CD99L2: variants seen among roughly 807,000 people sequenced by gnomAD.
CD99L2 encodes the protein CD99 molecule like 2.
Under a neutral mutation model 27.3 loss-of-function variants are expected in CD99L2, and 24 were observed. That is an observed-to-expected ratio of 0.88 (90% CI 0.64 to 1.24). The LOEUF (loss-of-function observed/expected upper bound fraction) is 1.24. CD99L2 is among the 50% of genes most tolerant of loss of function. CD99L2 has a pLI of 0.00. For missense variants in CD99L2, 255 were observed against 221.6 expected (o/e 1.15, Z -0.96); for synonymous variants, 97 against 87.9 (o/e 1.10, Z -0.58).
intron 2 of CD99L2, among the ~76,000 whole-genome samples, chrX:150,827,949 A>G (rs1557420970): frequency 1.8e-5 from 2 of 111,913 alleles, no homozygotes; most frequent in South Asian, 7.6e-4. Flanking sequence ...AACTGACCAT[A>G]GATCTAAGGG....
At chrX:150,860,261 T>G (rs199853601) in intron 1 of CD99L2, among the ~76,000 whole-genome samples, 18 of 110,973 alleles carry the variant, frequency 1.6e-4, no homozygotes, top group Non-Finnish European at 1.7e-4. Context: ...AAGCATTTAT[T>G]AAATGCAATA....
chrX:150,867,942 C>T (rs1276762827), intron 1 of CD99L2, among the ~76,000 whole-genome samples: 1 of 88,195 alleles, frequency 1.1e-5, no homozygotes. Flanking sequence ...ATTAGCTGGG[C>T]GTGGTAGCAC....
chrX:150,806,820 G>A (rs2046002130), intron 4 of CD99L2, among the ~76,000 whole-genome samples: 1 of 110,803 alleles, frequency 9.0e-6, no homozygotes, highest in Non-Finnish European at 1.9e-5. Context: ...GAACCCTGGA[G>A]GCAGAGGTTG....
At chrX:150,891,880 C>A (rs1160641349) in intron 1 of CD99L2, among the ~76,000 whole-genome samples, 1 of 111,898 alleles carries the variant, frequency 8.9e-6, no homozygotes, top group Non-Finnish European at 1.9e-5. Context: ...TCCTCCCAGG[C>A]ACCCAAGAGC....
intron 2 of CD99L2, among the ~76,000 whole-genome samples, chrX:150,817,062 G>T (rs1159229087): frequency 4.9e-5 from 3 of 60,898 alleles, no homozygotes; most frequent in Non-Finnish European, 8.8e-5. Context: ...TGGGGGGAGG[G>T]GGGAGGGATA....
In CD99L2 at chrX:150,793,814, C is replaced by G. The variant is rs936099003; in HGVS notation, c.431-58G>C. The G allele has an allele frequency of 9.2e-5, 92 of 995,215 alleles. No homozygotes were observed. The Admixed American group carries it at 2.5e-3, about 27-fold the overall frequency. 82.0% of individuals were successfully genotyped at this position (995,215 alleles called of 1,213,427 possible). The stretch of plus-strand genomic sequence containing the variant: ...AGAAAAAAAAATCAGCAACAAGAAA[C>G]TTGTGCTAATGTTGCCCAAAATTCA... On this transcript the variant is annotated intron_variant, in intron 6 of 10. Transcript: ENST00000370377.
chrX:150,803,463 C>T (rs782213494), intron 4 of CD99L2, among the ~76,000 whole-genome samples: 37 of 111,205 alleles, frequency 3.3e-4, no homozygotes, highest in Non-Finnish European at 6.0e-4. Flanking sequence ...AGGCACAGGC[C>T]CTAGAAGAAC....
chrX:150,770,405 C>G, intron 9 of CD99L2, 36 bp from the exon 10 acceptor site: 6 of 1,169,143 alleles, frequency 5.1e-6, no homozygotes, highest in Non-Finnish European at 5.8e-6. Context: ...GTGATGCGCA[C>G]AGGACCTAAG....
At chrX:150,816,186 G>T in intron 2 of CD99L2, 108 bp from the exon 3 acceptor site, 1 of 730,497 alleles carries the variant, frequency 1.4e-6, no homozygotes, top group South Asian at 2.4e-5. Flanking sequence ...CCTTGTCTTG[G>T]TCCTTGAGGC....
At position 150,833,020 on chromosome X, in the gene CD99L2, A is replaced by T. The variant is rs1324932156; in HGVS notation, c.68-1727T>A. On this transcript the variant is annotated intron_variant, in intron 1 of 10. Coordinates refer to ENST00000370377, the MANE Select transcript of CD99L2 (RefSeq NM_031462.4). ...CAGTAAGCCGAGATCGCGCCACTGC[A>T]CTCCAGCCTGGGCGACAGAGCGAGA... Among the ~76,000 whole-genome samples, 3 of 104,117 alleles carry T rather than the reference A, an allele frequency of 2.9e-5. No homozygotes were observed. In the East Asian group the frequency reaches 9.1e-4, roughly 31 times the overall value. 90.4% of individuals were successfully genotyped at this position (104,117 alleles called of 115,157 possible).
chrX:150,878,329 A>C (rs2047265672), intron 1 of CD99L2, among the ~76,000 whole-genome samples: 1 of 108,240 alleles, frequency 9.2e-6, no homozygotes, highest in Admixed American at 1.0e-4. Context: ...CAAGGGCAAA[A>C]CTCTGTCTAA....
At chrX:150,848,120 C>CT (rs1277135065) in intron 1 of CD99L2, among the ~76,000 whole-genome samples, 11 of 107,701 alleles carry the variant, frequency 1.0e-4, no homozygotes, top group Non-Finnish European at 1.5e-4. Context: ...GGCCCCCCCC[C>CT]CCTTGTACTA....
At chrX:150,773,087 G>C (rs2043489633) in intron 9 of CD99L2, among the ~76,000 whole-genome samples, 1 of 111,805 alleles carries the variant, frequency 8.9e-6, no homozygotes, top group African/African-American at 3.3e-5. Flanking sequence ...TGTTCACTTT[G>C]TGCTTTGGAA....
intron 1 of CD99L2, among the ~76,000 whole-genome samples, chrX:150,883,559 G>T (rs918655418): frequency 5.4e-5 from 6 of 111,411 alleles, no homozygotes; most frequent in Non-Finnish European, 5.6e-5. Flanking sequence ...GAAAATGGTA[G>T]AAACTTTAAG....
intron 1 of CD99L2, among the ~76,000 whole-genome samples, chrX:150,892,335 G>A (rs189186559): frequency 9.7e-4 from 106 of 109,465 alleles, no homozygotes; most frequent in Admixed American, 3.3e-3. Flanking sequence ...GGCCGGGCAC[G>A]GTGGCTCACG....
chrX:150,777,202 T>G (rs1343541050), intron 8 of CD99L2: 24 of 419,118 alleles, frequency 5.7e-5, no homozygotes, highest in Middle Eastern at 1.3e-3. Flanking sequence ...AGGGTGAAAT[T>G]CACAGAACTG....
intron 1 of CD99L2, among the ~76,000 whole-genome samples, chrX:150,844,333 T>C (rs1324064605): frequency 4.5e-5 from 5 of 111,981 alleles, no homozygotes; most frequent in African/African-American, 1.6e-4. Flanking sequence ...GGACACTGCT[T>C]GTGGGAAATC....
chrX:150,875,838 T>C (rs1327167722), intron 1 of CD99L2, among the ~76,000 whole-genome samples: 3 of 112,334 alleles, frequency 2.7e-5, no homozygotes, highest in Non-Finnish European at 5.6e-5. Flanking sequence ...CCATGTAAGA[T>C]GTGACTTGCT....
At chrX:150,780,920 G>A (rs782347966) in intron 7 of CD99L2, among the ~76,000 whole-genome samples, 13 of 112,431 alleles carry the variant, frequency 1.2e-4, no homozygotes, top group Non-Finnish European at 2.4e-4. Context: ...GGAAATGGAG[G>A]TTGGCACAAC....
Sources: gnomAD v4.1 joint callset for allele counts (sites outside exome capture counted in the v4.1 genomes callset) on GRCh38, gnomAD v4.1.1 for gene constraint, MANE v1.5 for transcripts, NCBI Gene and HGNC (gene_info 2026-07-23, HGNC 2026-07-21) for gene names.